ATF7IP2: variants seen among roughly 807,000 people sequenced by gnomAD.
The protein encoded by ATF7IP2 is activating transcription factor 7-interacting protein 2.
In ATF7IP2, 42 loss-of-function variants were observed where a neutral mutation model predicts 64.2. The observed-to-expected ratio is 0.65, with a 90% confidence interval of 0.51 to 0.85. The LOEUF (loss-of-function observed/expected upper bound fraction) is 0.85, where lower values mean the gene tolerates loss of function less well. Ranked by LOEUF, ATF7IP2 falls within the 40% of genes least tolerant of loss-of-function variation. The pLI is 0.00. For missense variants in ATF7IP2, 933 were observed against 784.2 expected (o/e 1.19, Z -2.27); for synonymous variants, 308 against 272.8 (o/e 1.13, Z -1.27).
At chr16:10,424,649 C>T (rs762637401) in intron 3 of ATF7IP2, among the ~76,000 whole-genome samples, 4 of 152,104 alleles carry the variant, frequency 2.6e-5, no homozygotes, top group Non-Finnish European at 5.9e-5. Flanking sequence ...AATAAAAACG[C>T]AAATAACACA....
chr16:10,410,155 C>T (rs2141808589), intron 1 of ATF7IP2, among the ~76,000 whole-genome samples: 1 of 152,234 alleles, frequency 6.6e-6, no homozygotes, highest in South Asian at 2.1e-4. Context: ...TTGTAGATTG[C>T]TCTTGGCAGT....
intron 1 of ATF7IP2, chr16:10,387,014 A>G (rs1351352769): frequency 6.6e-6 from 1 of 152,214 alleles, no homozygotes; most frequent in Non-Finnish European, 1.5e-5. Flanking sequence ...TATGGTTAAT[A>G]TGTATGGAAG....
chr16:10,389,629 C>T (rs1452870029), intron 1 of ATF7IP2, among the ~76,000 whole-genome samples: 3 of 152,034 alleles, frequency 2.0e-5, no homozygotes, highest in African/African-American at 7.2e-5. Flanking sequence ...ACTCAAGAAA[C>T]AGTATGAAAA....
intron 8 of ATF7IP2, among the ~76,000 whole-genome samples, chr16:10,449,960 C>G (rs1596546999): frequency 6.6e-6 from 1 of 152,160 alleles, no homozygotes; most frequent in Non-Finnish European, 1.5e-5. Flanking sequence ...GCATTTAGTG[C>G]TATAAATTTC....
chr16:10,477,531 G>A (rs552041614), intron 12 of ATF7IP2, among the ~76,000 whole-genome samples: 2 of 152,272 alleles, frequency 1.3e-5, no homozygotes, highest in Admixed American at 6.5e-5. Flanking sequence ...TACTGAATGG[G>A]CAAAAACTGG....
At chr16:10,420,541 G>A (rs929264503) in intron 3 of ATF7IP2, among the ~76,000 whole-genome samples, 1 of 152,218 alleles carries the variant, frequency 6.6e-6, no homozygotes, top group African/African-American at 2.4e-5. Flanking sequence ...AATTGTGAAA[G>A]TGTCTGTCTT....
chr16:10,405,200 T>TA (rs879893228), intron 1 of ATF7IP2, among the ~76,000 whole-genome samples: 158 of 142,440 alleles, frequency 1.1e-3, no homozygotes, highest in African/African-American at 1.5e-3. Flanking sequence ...CGGTCTCTAC[T>TA]AAAAAAAAAA....
At position 10,431,301 on chromosome 16, in the gene ATF7IP2, G is replaced by A. The variant is rs1307123196; in HGVS notation, c.681G>A (p.Val227=). ...NILCSEDSGF[V]PVEKTPNLVN... is the part of the protein sequence containing the mutation. ...TATGTTCAGAAGACTCAGGTTTTGT[G>A]CCTGTTGAGAAAACACCTAATTTGG... Residue 227 remains valine, a synonymous_variant, in exon 5 of 14, where the codon GTG becomes GTA. Coordinates refer to ENST00000562102, the MANE Select transcript of ATF7IP2 (RefSeq NM_001393719.1). 6.2e-7 allele frequency: 1 copy of A among 1,614,212 alleles called. No homozygotes were observed. Among genetic ancestry groups the A allele is most frequent in the Non-Finnish European group, 8.5e-7 (1 of 1,180,036 alleles).
At chr16:10,420,456 G>A (rs528912803) in intron 3 of ATF7IP2, among the ~76,000 whole-genome samples, 11 of 152,212 alleles carry the variant, frequency 7.2e-5, no homozygotes, top group African/African-American at 2.2e-4. Context: ...GTTGGGCATC[G>A]CTGGATAATA....
intron 1 of ATF7IP2, among the ~76,000 whole-genome samples, chr16:10,412,100 G>T (rs1445094219): frequency 7.8e-6 from 1 of 128,924 alleles, no homozygotes; most frequent in Non-Finnish European, 1.6e-5. Context: ...AGGTATACAT[G>T]TGACATGTTG....
intron 7 of ATF7IP2, 137 bp downstream of exon 7, chr16:10,438,372 G>A: frequency 1.2e-6 from 1 of 811,544 alleles, no homozygotes; most frequent in East Asian, 3.3e-5. Context: ...AGTCTCCAGA[G>A]TAGCTGAGAC....
intron 8 of ATF7IP2, among the ~76,000 whole-genome samples, chr16:10,457,039 A>T (rs915892488): frequency 2.0e-5 from 3 of 152,202 alleles, no homozygotes; most frequent in African/African-American, 4.8e-5. Context: ...AAAGTATAAC[A>T]AAAGTAAAAT....
chr16:10,467,600 T>C (rs1266305398), intron 9 of ATF7IP2, among the ~76,000 whole-genome samples: 5 of 151,826 alleles, frequency 3.3e-5, no homozygotes, highest in Non-Finnish European at 5.9e-5. Flanking sequence ...AGATGGATTT[T>C]CTCTGTCACC....
rs1312696473 is a variant in ATF7IP2 at position 10,430,610 on chromosome 16, G to C, written c.-10-1G>C. 6.3e-7 allele frequency: 1 copy of C among 1,580,380 alleles called. No individual in the cohort carries two copies. The highest frequency in any genetic ancestry group is 8.7e-7 in the Non-Finnish European group (1 of 1,155,214). On this transcript the variant is annotated splice_acceptor_variant, in intron 4 of 13. Coordinates refer to ENST00000562102, the MANE Select transcript of ATF7IP2 (RefSeq NM_001393719.1). LOFTEE classifies it low-confidence loss of function (5UTR_SPLICE). ...TTTAAATATGATGTCTTAAATTCCA[G>C]GATATGAAAGATGGCAAGTCCAGAT...
intron 3 of ATF7IP2, 114 bp from the exon 4 acceptor site, chr16:10,428,754 T>C (rs746124453): frequency 5.9e-5 from 9 of 152,226 alleles, no homozygotes; most frequent in Non-Finnish European, 1.0e-4. Context: ...AAATTTTAAG[T>C]GTAGGATTTC....
chr16:10,396,722 C>T (rs1338332513), intron 1 of ATF7IP2, among the ~76,000 whole-genome samples: 1 of 152,020 alleles, frequency 6.6e-6, no homozygotes, highest in African/African-American at 2.4e-5. Context: ...GATCTTGGCT[C>T]ACTGCAGCCT....
Position 10,415,749 on chromosome 16 carries a change from G to A in ATF7IP2, c.-203+1137G>A, listed in dbSNP as rs549205952. On this transcript the variant is annotated intron_variant, in intron 2 of 13. Coordinates refer to ENST00000562102, the MANE Select transcript of ATF7IP2 (RefSeq NM_001393719.1). ...TAACCAGAATATAAGAAGCTCATAC[G>A]ACTCTGTAGGAAAGAATCTAATAAT... Among the ~76,000 whole-genome samples the A allele has an allele frequency of 3.9e-5, 6 of 152,254 alleles. No individual in the cohort carries two copies. In the South Asian group the frequency reaches 8.3e-4, roughly 21 times the overall value.
intron 3 of ATF7IP2, 98 bp from the exon 4 acceptor site, chr16:10,428,770 C>T (rs936643786): frequency 6.6e-6 from 1 of 152,150 alleles, no homozygotes; most frequent in Non-Finnish European, 1.5e-5. Context: ...ATTTCGTTCT[C>T]ATCAATTTCC....
intron 6 of ATF7IP2, among the ~76,000 whole-genome samples, chr16:10,435,244 T>C (rs1466764216): frequency 1.3e-5 from 2 of 152,374 alleles, no homozygotes; most frequent in East Asian, 3.9e-4. Flanking sequence ...GAAGGAGTCC[T>C]GCAGTGATCA....
Sources: gnomAD v4.1 joint callset for allele counts (sites outside exome capture counted in the v4.1 genomes callset) on GRCh38, gnomAD v4.1.1 for gene constraint, MANE v1.5 for transcripts, NCBI Gene and HGNC (gene_info 2026-07-23, HGNC 2026-07-21) for gene names.